Variants in GREB1L observed in about 807,000 individuals in gnomAD.
GREB1L encodes the protein GREB1-like protein.
In GREB1L, 17 loss-of-function variants were observed where a neutral mutation model predicts 200.8. That is an observed-to-expected ratio of 0.08 (90% CI 0.06 to 0.13). The LOEUF is 0.13. GREB1L is among the 10% of genes least tolerant of loss of function. GREB1L has a pLI of 1.00. For synonymous variants in GREB1L, 789 were observed against 893.0 expected (o/e 0.88, Z 2.08); for missense variants, 1,657 against 2,367.7 (o/e 0.70, Z 6.23).
chr18:21,515,943 C>T (rs775637501), intron 29 of GREB1L, among the ~76,000 whole-genome samples: 4 of 152,176 alleles, frequency 2.6e-5, no homozygotes, highest in Non-Finnish European at 4.4e-5. Flanking sequence ...GACCCACAAA[C>T]ATCTAAGATT....
chr18:21,393,644 T>C (rs2144322140), intron 4 of GREB1L, among the ~76,000 whole-genome samples: 1 of 152,320 alleles, frequency 6.6e-6, no homozygotes, highest in South Asian at 2.1e-4. Flanking sequence ...TTAGCCAAGA[T>C]GGTCTCGATC....
chr18:21,423,730 C>T (rs891533079), intron 7 of GREB1L, among the ~76,000 whole-genome samples: 10 of 152,090 alleles, frequency 6.6e-5, no homozygotes, highest in Non-Finnish European at 8.8e-5. Context: ...GGTGTGGTAG[C>T]CCACGCTTTT....
chr18:21,347,542 A>C (rs1392132405), intron 1 of GREB1L, among the ~76,000 whole-genome samples: 3 of 149,226 alleles, frequency 2.0e-5, no homozygotes, highest in Admixed American at 2.0e-4. Context: ...TGCAGCCTCC[A>C]CCTCCTAGAT....
intron 1 of GREB1L, among the ~76,000 whole-genome samples, chr18:21,362,754 G>A (rs1392212214): frequency 6.6e-6 from 1 of 152,102 alleles, no homozygotes; most frequent in Non-Finnish European, 1.5e-5. Context: ...TTGTCTGAAT[G>A]TTAGAGTTAT....
intron 5 of GREB1L, among the ~76,000 whole-genome samples, chr18:21,397,479 C>T (rs1341537512): frequency 3.9e-5 from 5 of 129,722 alleles, no homozygotes; most frequent in Non-Finnish European, 3.3e-5. Flanking sequence ...TAGCGGAGAT[C>T]GCGCCACTGC....
intron 7 of GREB1L, among the ~76,000 whole-genome samples, chr18:21,404,526 A>G (rs2029941397): frequency 6.6e-6 from 1 of 152,218 alleles, no homozygotes; most frequent in Non-Finnish European, 1.5e-5. Flanking sequence ...GCCTGAAACT[A>G]GGTCACAATA....
At chr18:21,444,498 C>T in intron 11 of GREB1L, 89 bp downstream of exon 11, 1 of 1,038,970 alleles carries the variant, frequency 9.6e-7, no homozygotes, top group Non-Finnish European at 1.4e-6. Flanking sequence ...ATTTATCCTC[C>T]TATCTCTTAT....
intron 14 of GREB1L, among the ~76,000 whole-genome samples, chr18:21,453,388 G>A (rs141648457): frequency 8.3e-4 from 127 of 152,206 alleles, no homozygotes; most frequent in African/African-American, 2.9e-3. Flanking sequence ...TCTTTGCCTC[G>A]GCTGCATTTG....
At chr18:21,493,865 CAAAAAAAAAAA>C (rs35758360) in intron 19 of GREB1L, among the ~76,000 whole-genome samples, 8 of 38,506 alleles carry the variant, frequency 2.1e-4, no homozygotes, top group East Asian at 1.2e-3. Context: ...GACCCTGTCT[CAAAAAAAAAAA>C]AAAAAAAAAA....
At chr18:21,410,197 C>T (rs1249141788) in intron 7 of GREB1L, among the ~76,000 whole-genome samples, 1 of 151,906 alleles carries the variant, frequency 6.6e-6, no homozygotes, top group Admixed American at 6.6e-5. Context: ...AAGCTCTGCC[C>T]CTGTCACTAA....
At chr18:21,428,332 C>CTTTTTTTTTTTTTTTTTTTTTTTT (rs59982674) in intron 7 of GREB1L, among the ~76,000 whole-genome samples, 1 of 54,024 alleles carries the variant, frequency 1.9e-5, no homozygotes, top group Non-Finnish European at 3.6e-5. Context: ...GTCTTTTTGT[C>CTTTTTTTTTTTTTTTTTTTTTTTT]TTTTTTTTTT....
chr18:21,291,142 C>T (rs1228020471), intron 1 of GREB1L, among the ~76,000 whole-genome samples: 2 of 152,120 alleles, frequency 1.3e-5, no homozygotes, highest in Admixed American at 6.5e-5. Flanking sequence ...GGCCCTGTTT[C>T]ACCTCCTCTC....
At chr18:21,419,603 C>T (rs1257552971) in intron 7 of GREB1L, among the ~76,000 whole-genome samples, 1 of 152,170 alleles carries the variant, frequency 6.6e-6, no homozygotes, top group African/African-American at 2.4e-5. Context: ...GCGCATGCCA[C>T]CACATGCAGC....
intron 1 of GREB1L, among the ~76,000 whole-genome samples, chr18:21,243,907 C>G (rs544972995): frequency 2.0e-5 from 3 of 152,290 alleles, no homozygotes; most frequent in Middle Eastern, 3.4e-3. Context: ...TTCCTCTCCT[C>G]CATACAAGCC....
intron 12 of GREB1L, chr18:21,450,667 G>T: frequency 5.9e-6 from 1 of 170,100 alleles, no homozygotes; most frequent in Non-Finnish European, 1.2e-5. Flanking sequence ...CTCAGCCCCT[G>T]GGCATCTGCC....
At chr18:21,520,962 C>T (rs1160419168) in intron 32 of GREB1L, 139 bp downstream of exon 32, 2 of 649,558 alleles carry the variant, frequency 3.1e-6, no homozygotes, top group South Asian at 2.1e-5. Flanking sequence ...TTTGGGAGGC[C>T]GAGGCGGGTG....
chr18:21,286,244 C>T (rs566886649), intron 1 of GREB1L, among the ~76,000 whole-genome samples: 1 of 152,090 alleles, frequency 6.6e-6, no homozygotes, highest in Non-Finnish European at 1.5e-5. Context: ...GCTTGGATTA[C>T]CTGTATGTGA....
rs1335547867 is a variant in GREB1L at position 21,525,885 on chromosome 18, G to GAAAAC, written c.*3067_*3071dup. 2.9e-5 allele frequency among the ~76,000 whole-genome samples: 4 copies of GAAAAC among 135,640 alleles called. No homozygotes were observed. In the East Asian group the frequency reaches 8.7e-4, roughly 29 times the overall value. 89.0% of individuals were successfully genotyped at this position (135,640 alleles called of 152,430 possible). A position where few individuals can be genotyped will look rare whatever the true frequency, so the allele number is the denominator to read the frequency against. ...TAAAAGAATTTGACATAGATTCCAT[G>GAAAAC]AAAACAATCTTCTAGGCCAAAGGAC... On this transcript the variant is annotated 3_prime_UTR_variant, in exon 33 of 33. Transcript: ENST00000424526.
At chr18:21,268,554 CACACACATATATATATATATATAT>C (rs1158824727) in intron 1 of GREB1L, among the ~76,000 whole-genome samples, 6 of 96,872 alleles carry the variant, frequency 6.2e-5, no homozygotes, top group African/African-American at 3.5e-4. Flanking sequence ...CACACACACA[CACACACATATATATATATATATAT>C]ATATATATAT....
Sources: gnomAD v4.1 joint callset for allele counts (sites outside exome capture counted in the v4.1 genomes callset) on GRCh38, gnomAD v4.1.1 for gene constraint, MANE v1.5 for transcripts, NCBI Gene and HGNC (gene_info 2026-07-23, HGNC 2026-07-21) for gene names.